NRF1: variants seen among roughly 807,000 people sequenced by gnomAD.
NRF1 encodes alpha palindromic-binding protein.
In NRF1, 5 loss-of-function variants were observed where a neutral mutation model predicts 58.5. That is an observed-to-expected ratio of 0.09 (90% CI 0.04 to 0.18). The LOEUF (loss-of-function observed/expected upper bound fraction) is 0.18, where lower values mean the gene tolerates loss of function less well. NRF1 is among the 10% of genes least tolerant of loss of function. The probability of loss-of-function intolerance (pLI) is 1.00; values close to 1 mark genes in which losing one functional copy is unlikely to be tolerated. For synonymous variants in NRF1, 224 were observed against 246.7 expected (o/e 0.91, Z 0.86); for missense variants, 288 against 657.7 (o/e 0.44, Z 6.15).
At chr7:129,751,603 T>C (rs1804117476) in intron 10 of NRF1, among the ~76,000 whole-genome samples, 1 of 152,246 alleles carries the variant, frequency 6.6e-6, no homozygotes, top group Non-Finnish European at 1.5e-5. Context: ...CTAACCCAGA[T>C]GGTTGCTCAC....
chr7:129,729,185 A>G (rs1315848319), intron 10 of NRF1, among the ~76,000 whole-genome samples: 1 of 151,918 alleles, frequency 6.6e-6, no homozygotes, highest in Non-Finnish European at 1.5e-5. Context: ...AGACTGCTTT[A>G]TAATTCTGGC....
At chr7:129,640,502 CCT>C (rs1368914260) in intron 1 of NRF1, among the ~76,000 whole-genome samples, 2 of 151,970 alleles carry the variant, frequency 1.3e-5, no homozygotes, top group African/African-American at 4.8e-5. Flanking sequence ...TGAGTGAGAC[CCT>C]GTCTCTTAAA....
chr7:129,659,779 C>T (rs1039291569), intron 2 of NRF1, among the ~76,000 whole-genome samples: 1 of 152,198 alleles, frequency 6.6e-6, no homozygotes, highest in Admixed American at 6.5e-5. Context: ...CATCTCTTTT[C>T]ATTCCATGGC....
intron 2 of NRF1, among the ~76,000 whole-genome samples, chr7:129,668,806 CTAATG>C (rs752038541): frequency 2.0e-4 from 30 of 152,196 alleles, no homozygotes; most frequent in Non-Finnish European, 4.0e-4. Flanking sequence ...AGGCAAAACT[CTAATG>C]TATGGTGAAA....
chr7:129,735,661 G>T (rs896948709), intron 10 of NRF1, among the ~76,000 whole-genome samples: 10 of 152,138 alleles, frequency 6.6e-5, no homozygotes, highest in African/African-American at 2.4e-5. Flanking sequence ...GCTGGTCCTG[G>T]CAACAGTCTT....
intron 5 of NRF1, among the ~76,000 whole-genome samples, chr7:129,703,449 CA>C (rs1214331954): frequency 2.0e-5 from 3 of 152,180 alleles, no homozygotes; most frequent in African/African-American, 7.2e-5. Flanking sequence ...GTAATGAGAG[CA>C]CAGTTCCGAA....
intron 3 of NRF1, 71 bp from the exon 4 acceptor site, chr7:129,677,561 C>T: frequency 1.4e-6 from 2 of 1,404,054 alleles, no homozygotes; most frequent in Non-Finnish European, 2.0e-6. Flanking sequence ...TGTCTTACCT[C>T]ATTTGTGTCT....
At chr7:129,717,472 A>G (rs893523967) in intron 9 of NRF1, 96 bp downstream of exon 9, 2 of 1,362,384 alleles carry the variant, frequency 1.5e-6, no homozygotes, top group Non-Finnish European at 2.0e-6. Context: ...TCTGTTTGCC[A>G]CAGTTGGCAG....
At chr7:129,745,509 C>CT (rs1266480563) in intron 10 of NRF1, among the ~76,000 whole-genome samples, 1 of 148,062 alleles carries the variant, frequency 6.8e-6, no homozygotes, top group Admixed American at 6.8e-5. Flanking sequence ...CCCCTCAACC[C>CT]CCCCCCCATC....
chr7:129,626,561 T>TA (rs1800924082), intron 1 of NRF1, among the ~76,000 whole-genome samples: 1 of 152,348 alleles, frequency 6.6e-6, no homozygotes, highest in African/African-American at 2.4e-5. Flanking sequence ...TTACAAGTGT[T>TA]ACATTAAGTC....
rs576680376 is a variant in NRF1 at position 129,637,253 on chromosome 7, A to G, written c.-6-20093A>G. 2.2e-4 allele frequency among the ~76,000 whole-genome samples: 23 copies of G among 103,354 alleles called. No homozygotes were observed. In the South Asian group the frequency reaches 6.9e-3, roughly 31 times the overall value. 67.8% of individuals were successfully genotyped at this position (103,354 alleles called of 152,430 possible). A position where few individuals can be genotyped will look rare whatever the true frequency, so the allele number is the denominator to read the frequency against. ...TCTGCTTAAAGAAAAGGCTCTGCTGAAAAAAAAAAAAAAGAAGAAGAAGAT... is the reference window on the plus strand; with the variant it reads ...TCTGCTTAAAGAAAAGGCTCTGCTGGAAAAAAAAAAAAAGAAGAAGAAGAT... On this transcript the variant is annotated intron_variant, in intron 1 of 10. Coordinates refer to ENST00000393232, the MANE Select transcript of NRF1 (RefSeq NM_005011.5).
chr7:129,654,935 TGGG>T, intron 1 of NRF1, among the ~76,000 whole-genome samples: 1 of 152,344 alleles, frequency 6.6e-6, no homozygotes, highest in African/African-American at 2.4e-5. Flanking sequence ...TTGGCTGTTC[TGGG>T]TCTTTTGCCT....
chr7:129,731,718 A>G (rs1803583998), intron 10 of NRF1, among the ~76,000 whole-genome samples: 1 of 151,882 alleles, frequency 6.6e-6, no homozygotes, highest in South Asian at 2.1e-4. Context: ...CTATCCTCCC[A>G]CCTCAGCCTA....
At chr7:129,663,533 T>C (rs7789516) in intron 2 of NRF1, among the ~76,000 whole-genome samples, 131,932 of 146,580 alleles carry the variant, frequency 0.9, 59,227 homozygotes, top group East Asian at 0.93. Context: ...CCAGACGGGG[T>C]GGCCGGGCAG....
intron 10 of NRF1, among the ~76,000 whole-genome samples, chr7:129,739,339 C>G (rs996623117): frequency 6.6e-6 from 1 of 152,142 alleles, no homozygotes; most frequent in Non-Finnish European, 1.5e-5. Context: ...CTAGTAGCCA[C>G]TTTAATGGAC....
At chr7:129,674,401 C>CT (rs1698957671) in intron 3 of NRF1, among the ~76,000 whole-genome samples, 1 of 116,184 alleles carries the variant, frequency 8.6e-6, no homozygotes, top group Admixed American at 8.0e-5. Context: ...GGTATTATAT[C>CT]TAAAAAAAAA....
At chr7:129,619,394 GTGTATATATATA>G (rs1291026678) in intron 1 of NRF1, among the ~76,000 whole-genome samples, 3 of 46,622 alleles carry the variant, frequency 6.4e-5, no homozygotes, top group African/African-American at 1.9e-4. Flanking sequence ...CTTGGCATAC[GTGTATATATATA>G]TATATATATA....
chr7:129,667,876 C>T (rs1420036614), intron 2 of NRF1, among the ~76,000 whole-genome samples: 1 of 151,882 alleles, frequency 6.6e-6, no homozygotes, highest in African/African-American at 2.4e-5. Context: ...TCAAGTGATC[C>T]TCCTGCCTCA....
intron 10 of NRF1, among the ~76,000 whole-genome samples, chr7:129,730,929 A>G (rs1378319603): frequency 6.6e-6 from 1 of 151,382 alleles, no homozygotes; most frequent in Admixed American, 6.6e-5. Flanking sequence ...GTGAGCCATG[A>G]TCACACCACT....
Sources: allele counts gnomAD v4.1 joint callset (sites outside exome capture counted in the v4.1 genomes callset), GRCh38; gene constraint gnomAD v4.1.1; transcripts MANE v1.5; gene names NCBI Gene and HGNC (gene_info 2026-07-23, HGNC 2026-07-21).